The following CDH20 variants were observed in gnomAD, a reference collection of about 807,000 sequenced individuals.
The protein encoded by CDH20 is cadherin 20.
In CDH20, 29 loss-of-function variants were observed where a neutral mutation model predicts 74.2. The ratio of observed to expected loss-of-function variants is 0.39; its 90% CI spans 0.29 to 0.53. The LOEUF is 0.53. Ranked by LOEUF, CDH20 falls within the 20% of genes least tolerant of loss-of-function variation. The probability of loss-of-function intolerance (pLI) is 0.69; values close to 1 mark genes in which losing one functional copy is unlikely to be tolerated. For missense variants in CDH20, 988 were observed against 1,048.3 expected (o/e 0.94, Z 0.79); for synonymous variants, 469 against 405.4 (o/e 1.16, Z -1.88).
chr18:61,406,531 A>G (rs925702257), intron 1 of CDH20, among the ~76,000 whole-genome samples: 8 of 152,246 alleles, frequency 5.3e-5, no homozygotes, highest in African/African-American at 1.9e-4. Context: ...ACAGAACACT[A>G]TAAATAAATC....
At chr18:61,352,210 T>C (rs557781428) in intron 1 of CDH20, among the ~76,000 whole-genome samples, 1 of 152,334 alleles carries the variant, frequency 6.6e-6, no homozygotes, top group Non-Finnish European at 1.5e-5. Flanking sequence ...TGTCTCCAGC[T>C]GTCATGTCTG....
chr18:61,501,098 G>T (rs973041488), intron 4 of CDH20, among the ~76,000 whole-genome samples: 1 of 152,212 alleles, frequency 6.6e-6, no homozygotes, highest in Admixed American at 6.5e-5. Context: ...TTTTGATGAG[G>T]GAGGAAAGAC....
At chr18:61,522,086 A>AAGAAAT (rs1912231059) in intron 6 of CDH20, among the ~76,000 whole-genome samples, 1 of 152,232 alleles carries the variant, frequency 6.6e-6, no homozygotes. Context: ...GGGCAAGATA[A>AAGAAAT]AGAAATAAAG....
At chr18:61,498,745 T>G (rs1422901367) in intron 2 of CDH20, among the ~76,000 whole-genome samples, 1 of 152,210 alleles carries the variant, frequency 6.6e-6, no homozygotes, top group African/African-American at 2.4e-5. Context: ...CAACTTGAAT[T>G]GTCATAAAAC....
chr18:61,352,051 C>T (rs770482522), intron 1 of CDH20, among the ~76,000 whole-genome samples: 6 of 152,150 alleles, frequency 3.9e-5, no homozygotes, highest in Non-Finnish European at 5.9e-5. Flanking sequence ...CTGCCCACTC[C>T]CTCCTTGGAG....
chr18:61,360,612 G>C (rs1291700439), intron 1 of CDH20, among the ~76,000 whole-genome samples: 1 of 152,216 alleles, frequency 6.6e-6, no homozygotes, highest in Non-Finnish European at 1.5e-5. Flanking sequence ...AACTGTGAAG[G>C]CTCTGCCTTG....
chr18:61,449,775 T>C (rs1909319733), intron 1 of CDH20, among the ~76,000 whole-genome samples: 1 of 151,794 alleles, frequency 6.6e-6, no homozygotes, highest in Admixed American at 6.6e-5. Context: ...TATATATATA[T>C]ATACACACAC....
chr18:61,508,853 T>C (rs982674945), intron 6 of CDH20, among the ~76,000 whole-genome samples: 1 of 152,182 alleles, frequency 6.6e-6, no homozygotes, highest in Non-Finnish European at 1.5e-5. Flanking sequence ...CCCAGGCTGG[T>C]TGTGAACTCC....
At chr18:61,363,816 G>C (rs1016072545) in intron 1 of CDH20, among the ~76,000 whole-genome samples, 1 of 152,184 alleles carries the variant, frequency 6.6e-6, no homozygotes, top group African/African-American at 2.4e-5. Flanking sequence ...GTTGGTGGTA[G>C]CTTACAGAGG....
At chr18:61,444,657 GTC>G (rs1238319921) in intron 1 of CDH20, among the ~76,000 whole-genome samples, 1 of 152,202 alleles carries the variant, frequency 6.6e-6, no homozygotes, top group African/African-American at 2.4e-5. Flanking sequence ...TCCTGTGCAA[GTC>G]TACATGGGTG....
At chr18:61,442,951 A>G (rs968564409) in intron 1 of CDH20, among the ~76,000 whole-genome samples, 8 of 152,132 alleles carry the variant, frequency 5.3e-5, no homozygotes, top group Middle Eastern at 6.8e-3. Flanking sequence ...GGAACTACTT[A>G]CTAGTGATTT....
intron 1 of CDH20, among the ~76,000 whole-genome samples, chr18:61,441,642 C>T (rs1267346418): frequency 6.6e-6 from 1 of 152,136 alleles, no homozygotes; most frequent in Non-Finnish European, 1.5e-5. Context: ...CATACCTTTG[C>T]AAAGGCAACT....
chr18:61,524,303 G>T (rs1472573561), intron 6 of CDH20, among the ~76,000 whole-genome samples: 1 of 152,168 alleles, frequency 6.6e-6, no homozygotes, highest in African/African-American at 2.4e-5. Context: ...AAAACCAAGG[G>T]CTGACAAAGA....
chr18:61,513,886 C>T (rs1404817737), intron 6 of CDH20, among the ~76,000 whole-genome samples: 4 of 152,138 alleles, frequency 2.6e-5, no homozygotes, highest in African/African-American at 4.8e-5. Context: ...GTCTGATGGG[C>T]TTCCCTTTGA....
intron 1 of CDH20, among the ~76,000 whole-genome samples, chr18:61,416,412 CA>C (rs1176660063): frequency 6.6e-6 from 1 of 152,136 alleles, no homozygotes; most frequent in African/African-American, 2.4e-5. Flanking sequence ...ATGGCTTTAA[CA>C]GATATATTTC....
intron 1 of CDH20, among the ~76,000 whole-genome samples, chr18:61,364,237 TG>T (rs1244405358): frequency 6.6e-6 from 1 of 152,166 alleles, no homozygotes; most frequent in African/African-American, 2.4e-5. Context: ...GGGAGGTGTT[TG>T]GGTCACCAGG....
At chr18:61,504,398 A>G (rs1911487966) in intron 5 of CDH20, among the ~76,000 whole-genome samples, 1 of 152,230 alleles carries the variant, frequency 6.6e-6, no homozygotes, top group African/African-American at 2.4e-5. Flanking sequence ...AAAGATGACA[A>G]TGACGTTTTC....
chr18:61,483,069 G>T (rs544604054), intron 1 of CDH20, among the ~76,000 whole-genome samples: 1 of 152,020 alleles, frequency 6.6e-6, no homozygotes, highest in Non-Finnish European at 1.5e-5. Context: ...ATTTTTCAGG[G>T]TCTAGTTCAT....
intron 1 of CDH20, chr18:61,404,934 AC>A (rs1912280344): frequency 1.4e-6 from 1 of 706,016 alleles, no homozygotes; most frequent in Non-Finnish European, 2.6e-6. Flanking sequence ...CAGTGTGCAT[AC>A]TCTGTAGTAT....
Sources: allele counts gnomAD v4.1 joint callset (sites outside exome capture counted in the v4.1 genomes callset), GRCh38; gene constraint gnomAD v4.1.1; transcripts MANE v1.5; gene names NCBI Gene and HGNC (gene_info 2026-07-23, HGNC 2026-07-21).